SDK1: variants seen among roughly 807,000 people sequenced by gnomAD.
SDK1 encodes the protein protein sidekick-1.
Under a neutral mutation model 245.5 loss-of-function variants are expected in SDK1, and 157 were observed. The observed-to-expected ratio is 0.64, with a 90% CI of 0.56 to 0.73. The LOEUF is 0.73. Among genes scored for constraint, SDK1 ranks in the 30% least tolerant of loss-of-function variants. The pLI is 0.00. For synonymous variants in SDK1, 1,647 were observed against 1,278.5 expected (o/e 1.29, Z -6.15); for missense variants, 3,583 against 3,002.3 (o/e 1.19, Z -4.52).
At chr7:3,817,989 G>A (rs918515040) in intron 4 of SDK1, among the ~76,000 whole-genome samples, 9 of 152,138 alleles carry the variant, frequency 5.9e-5, no homozygotes, top group African/African-American at 4.8e-5. Flanking sequence ...CTTATAATTC[G>A]TACCTCAGGA....
intron 1 of SDK1, among the ~76,000 whole-genome samples, chr7:3,490,985 C>T (rs779027018): frequency 4.6e-5 from 7 of 152,312 alleles, no homozygotes; most frequent in South Asian, 4.1e-4. Context: ...ATACAGCTAC[C>T]GTCAACAGAC....
intron 4 of SDK1, among the ~76,000 whole-genome samples, chr7:3,745,478 G>A: frequency 6.6e-6 from 1 of 152,126 alleles, no homozygotes; most frequent in South Asian, 2.1e-4. Context: ...ATATAATACT[G>A]TTAACTAGAA....
intron 5 of SDK1, among the ~76,000 whole-genome samples, chr7:3,899,815 C>A (rs1039462552): frequency 1.3e-5 from 2 of 152,216 alleles, no homozygotes; most frequent in African/African-American, 4.8e-5. Context: ...CTATAGGGGG[C>A]GTTACCAGGC....
rs914717363 is a variant in SDK1, at chr7:4,119,602, G to T, written c.3823+5328G>T. 4.0e-5 allele frequency among the ~76,000 whole-genome samples: 6 copies of T among 148,386 alleles called. 1 individual carries two copies. Among genetic ancestry groups the T allele is most frequent in the Non-Finnish European group, 6.0e-5 (4 of 66,600 alleles). On this transcript the variant is annotated intron_variant, in intron 25 of 44. Coordinates refer to ENST00000404826, the MANE Select transcript of SDK1 (RefSeq NM_152744.4). ...AGTTACATATCATACCCCAATAAAG[G>T]ATTTTACTCTCCTCCAAAAATAAAA...
chr7:3,957,914 C>G lies in SDK1; in HGVS notation c.1151-1017C>G, dbSNP rs186421846. 4.6e-4 allele frequency: 213 copies of G among 465,546 alleles called. 1 individual carries two copies. Among genetic ancestry groups the G allele is most frequent in the Middle Eastern group, 6.6e-4 (2 of 3,050 alleles). 28.8% of individuals were successfully genotyped at this position (465,546 alleles called of 1,614,324 possible). A position where few individuals can be genotyped will look rare whatever the true frequency, so the allele number is the denominator to read the frequency against. On this transcript the variant is annotated intron_variant, in intron 7 of 44. Coordinates refer to ENST00000404826, the MANE Select transcript of SDK1 (RefSeq NM_152744.4). ...GGTTGATTCAGGCAGATTCTTTCTGCTTGAGTGGTCCAGGTAATCGCAGAA... is the reference window on the plus strand; with the variant it reads ...GGTTGATTCAGGCAGATTCTTTCTGGTTGAGTGGTCCAGGTAATCGCAGAA...
In SDK1 at chr7:3,486,244, A is replaced by G. The variant is rs1020777875; in HGVS notation, c.299-132836A>G. On this transcript the variant is annotated intron_variant, in intron 1 of 44. Transcript: ENST00000404826. The stretch of plus-strand genomic sequence containing the variant: ...AAAATTATATGGAGTTAAATTTTAA[A>G]TCTTTAATATCTGAGGTTGTTTTCT... Among the ~76,000 whole-genome samples, 118 of 149,690 alleles carry G rather than the reference A, an allele frequency of 7.9e-4. 1 individual carries two copies. The highest frequency in any genetic ancestry group is 3.0e-4 in the Non-Finnish European group (20 of 67,086).
intron 4 of SDK1, among the ~76,000 whole-genome samples, chr7:3,726,125 T>C (rs552914355): frequency 1.3e-5 from 2 of 152,334 alleles, no homozygotes; most frequent in East Asian, 1.9e-4. Flanking sequence ...ATTTCGACTT[T>C]ATAGAGAAGG....
Position 3,456,030 on chromosome 7 carries a change from C to T in SDK1, c.298+154146C>T, listed in dbSNP as rs190962602. On this transcript the variant is annotated intron_variant, in intron 1 of 44. Coordinates refer to ENST00000404826, the MANE Select transcript of SDK1 (RefSeq NM_152744.4). The stretch of plus-strand genomic sequence containing the variant: ...AGAATTCATGGTTGACAGTCCTTTT[C>T]TTTCAGCACTTGAAAAATGTGTTGA... Among the ~76,000 whole-genome samples, 534 of 152,274 alleles carry T rather than the reference C, an allele frequency of 3.5e-3. 2 individuals are homozygous for T. Among genetic ancestry groups the T allele is most frequent in the African/African-American group, 0.012 (519 of 41,560 alleles).
At chr7:3,953,650 C>G (rs1037722083) in intron 7 of SDK1, among the ~76,000 whole-genome samples, 4 of 152,194 alleles carry the variant, frequency 2.6e-5, no homozygotes, top group Non-Finnish European at 2.9e-5. Flanking sequence ...AATTTATCTC[C>G]CTTTAAACGA....
intron 25 of SDK1, among the ~76,000 whole-genome samples, chr7:4,122,138 T>G (rs1465657124): frequency 6.6e-6 from 1 of 152,090 alleles, no homozygotes; most frequent in Non-Finnish European, 1.5e-5. Flanking sequence ...CCGCTCCCCC[T>G]CCTTGTGTTT....
chr7:3,386,955 C>G (rs1038026853), intron 1 of SDK1, among the ~76,000 whole-genome samples: 2 of 152,166 alleles, frequency 1.3e-5, no homozygotes, highest in Admixed American at 6.5e-5. Context: ...CTCCATGAAT[C>G]ATGAATTCAG....
chr7:3,981,668 A>G (rs970982521), intron 13 of SDK1, among the ~76,000 whole-genome samples: 1 of 152,208 alleles, frequency 6.6e-6, no homozygotes. Context: ...TCTGGAGAGA[A>G]AAATCAAACC....
intron 4 of SDK1, among the ~76,000 whole-genome samples, chr7:3,736,653 T>A (rs1779325688): frequency 6.6e-6 from 1 of 152,190 alleles, no homozygotes; most frequent in Non-Finnish European, 1.5e-5. Flanking sequence ...TAAGCTTTAC[T>A]GAGGTATAGT....
chr7:3,701,590 C>A (rs531858402), intron 4 of SDK1, among the ~76,000 whole-genome samples: 1 of 151,942 alleles, frequency 6.6e-6, no homozygotes, highest in African/African-American at 2.4e-5. Flanking sequence ...TAGAGCGAGA[C>A]CCTGTCTCAA....
chr7:3,440,640 A>AT (rs1780168276), intron 1 of SDK1, among the ~76,000 whole-genome samples: 1 of 152,170 alleles, frequency 6.6e-6, no homozygotes, highest in Non-Finnish European at 1.5e-5. Flanking sequence ...GAGAGAAGAT[A>AT]GAAAGTGCTT....
chr7:3,622,639 C>G (rs770359527), intron 2 of SDK1, among the ~76,000 whole-genome samples: 12 of 152,082 alleles, frequency 7.9e-5, no homozygotes, highest in Non-Finnish European at 2.9e-5. Context: ...TCTTAAGAGC[C>G]CTTGCATATG....
At chr7:4,209,485 A>G (rs1327323591) in intron 37 of SDK1, among the ~76,000 whole-genome samples, 1 of 152,154 alleles carries the variant, frequency 6.6e-6, no homozygotes, top group Non-Finnish European at 1.5e-5. Flanking sequence ...GTAGCTCTAG[A>G]TATTTCCACC....
intron 5 of SDK1, among the ~76,000 whole-genome samples, chr7:3,863,426 A>G (rs1472302123): frequency 4.6e-5 from 7 of 152,220 alleles, no homozygotes; most frequent in Non-Finnish European, 8.8e-5. Flanking sequence ...AAATATATAT[A>G]TTGCATAAAT....
At chr7:3,409,797 G>A (rs988144676) in intron 1 of SDK1, among the ~76,000 whole-genome samples, 4 of 152,104 alleles carry the variant, frequency 2.6e-5, no homozygotes, top group Non-Finnish European at 5.9e-5. Flanking sequence ...TTGAGGTGTG[G>A]AGTTTGATTT....
Sources: gnomAD v4.1 joint callset for allele counts (sites outside exome capture counted in the v4.1 genomes callset) on GRCh38, gnomAD v4.1.1 for gene constraint, MANE v1.5 for transcripts, NCBI Gene and HGNC (gene_info 2026-07-23, HGNC 2026-07-21) for gene names.